Variants in TPD52 observed in about 807,000 individuals in gnomAD.
TPD52 encodes the protein prostate and colon associated protein.
A neutral mutation model predicts 31.3 loss-of-function variants in TPD52; 17 were observed. The ratio of observed to expected loss-of-function variants is 0.54; its 90% confidence interval spans 0.37 to 0.82. The LOEUF is 0.82. TPD52 is among the 40% of genes least tolerant of loss of function. The pLI, the probability that TPD52 is intolerant of heterozygous loss-of-function variation, is 0.00. For synonymous variants in TPD52, 83 were observed against 89.6 expected, an observed-to-expected ratio of 0.93 and a Z score of 0.42; for missense variants, 212 against 240.1, an observed-to-expected ratio of 0.88 and a Z score of 0.77.
At chr8:80,095,994 G>A (rs950271267) in intron 1 of TPD52, among the ~76,000 whole-genome samples, 3 of 151,378 alleles carry the variant, frequency 2.0e-5, no homozygotes, top group Non-Finnish European at 4.4e-5. Context: ...AGTGGCTCAC[G>A]CCTCCAAGCC....
intron 5 of TPD52, among the ~76,000 whole-genome samples, chr8:80,047,911 G>C (rs58604817): frequency 6.6e-6 from 1 of 152,052 alleles, no homozygotes; most frequent in African/African-American, 2.4e-5. Flanking sequence ...CCAAAAATAT[G>C]AGACAAATGT....
chr8:80,081,811 G>A (rs1450930345), intron 1 of TPD52, among the ~76,000 whole-genome samples: 3 of 150,528 alleles, frequency 2.0e-5, no homozygotes, highest in African/African-American at 4.9e-5. Context: ...GTCTTTTTTT[G>A]TTTTGTTTTC....
intron 1 of TPD52, among the ~76,000 whole-genome samples, chr8:80,160,003 C>A (rs1811239496): frequency 6.6e-6 from 1 of 152,034 alleles, no homozygotes; most frequent in Admixed American, 6.6e-5. Context: ...CCAGTCTGGG[C>A]AACATAGTAA....
chr8:80,064,813 A>G, intron 1 of TPD52: 3 of 675,362 alleles, frequency 4.4e-6, no homozygotes, highest in Non-Finnish European at 5.4e-6. Flanking sequence ...ATGAATTTAG[A>G]AAATATAGCA....
chr8:80,097,021 T>C (rs1806385466), intron 1 of TPD52, among the ~76,000 whole-genome samples: 1 of 152,352 alleles, frequency 6.6e-6, no homozygotes. Context: ...GAAAAAGTTC[T>C]TGAAGCTTCG....
intron 1 of TPD52, among the ~76,000 whole-genome samples, chr8:80,112,962 C>T (rs1323771767): frequency 3.3e-5 from 5 of 152,074 alleles, no homozygotes; most frequent in Non-Finnish European, 7.3e-5. Context: ...TCATATACAC[C>T]TTATACATAT....
At chr8:80,093,024 A>G (rs996435057) in intron 1 of TPD52, among the ~76,000 whole-genome samples, 26 of 152,172 alleles carry the variant, frequency 1.7e-4, no homozygotes, top group African/African-American at 6.0e-4. Context: ...ATAAAAAATT[A>G]AATGTTAAAA....
At chr8:80,086,172 C>T (rs1466498861) in intron 1 of TPD52, among the ~76,000 whole-genome samples, 11 of 126,600 alleles carry the variant, frequency 8.7e-5, no homozygotes, top group African/African-American at 3.5e-4. Flanking sequence ...GGCTGGAGTG[C>T]AGTGTCGTGA....
intron 3 of TPD52, chr8:80,052,713 A>G (rs1391374692): frequency 5.6e-6 from 7 of 1,255,208 alleles, no homozygotes; most frequent in Non-Finnish European, 7.3e-6. Flanking sequence ...TGATAATGCT[A>G]TATCATAGCA....
At chr8:80,048,613 T>C (rs1221487441) in intron 5 of TPD52, among the ~76,000 whole-genome samples, 3 of 152,246 alleles carry the variant, frequency 2.0e-5, no homozygotes, top group Non-Finnish European at 4.4e-5. Flanking sequence ...GGCCAATATT[T>C]GCCTCTGTGA....
downstream of TPD52, among the ~76,000 whole-genome samples, chr8:80,032,536 C>G (rs1809720018): frequency 6.6e-6 from 1 of 152,162 alleles, no homozygotes; most frequent in Admixed American, 6.5e-5. Flanking sequence ...AGACCCCCAC[C>G]TCAAAAAAGC....
chr8:80,068,787 A>G (rs937049250), intron 1 of TPD52, among the ~76,000 whole-genome samples: 8 of 152,202 alleles, frequency 5.3e-5, no homozygotes, highest in Admixed American at 1.3e-4. Flanking sequence ...AGGATGGAGA[A>G]GACAAGCAGA....
At chr8:80,117,388 T>C (rs1807937226) in intron 1 of TPD52, among the ~76,000 whole-genome samples, 1 of 152,218 alleles carries the variant, frequency 6.6e-6, no homozygotes, top group South Asian at 2.1e-4. Flanking sequence ...CAAAATTGTA[T>C]TTACAACAGC....
chr8:80,155,087 T>C (rs1367839556), intron 1 of TPD52, among the ~76,000 whole-genome samples: 2 of 151,904 alleles, frequency 1.3e-5, no homozygotes, highest in African/African-American at 4.8e-5. Flanking sequence ...CACCTCCGCT[T>C]CCAGGGCTCA....
intron 1 of TPD52, among the ~76,000 whole-genome samples, chr8:80,104,584 CA>C (rs200078173): frequency 2.7e-5 from 4 of 146,334 alleles, no homozygotes; most frequent in African/African-American, 5.0e-5. Context: ...AAAACAACAA[CA>C]AAAAAAACAG....
At chr8:80,133,615 T>C (rs1809182126) in intron 1 of TPD52, among the ~76,000 whole-genome samples, 1 of 152,024 alleles carries the variant, frequency 6.6e-6, no homozygotes, top group Admixed American at 6.6e-5. Context: ...TTCCCTCAGT[T>C]TCCTTTGGCT....
Position 80,064,579 on chromosome 8 carries a change from C to A in TPD52, c.34G>T (p.Asp12Tyr), listed in dbSNP as rs35099105. The A allele has an allele frequency of 0.022, 35,834 of 1,613,858 alleles. 476 individuals are homozygous for A. The highest frequency in any genetic ancestry group is 0.024 in the Non-Finnish European group (28,776 of 1,179,752). The stretch of plus-strand genomic sequence containing the variant: ...TCTTCTCCTTCCTCAGGGACTGGGT[C>A]TGTTCTCAGCAGACCTGGTTGGGGA... ...DRGEQGLLRT[D>Y]PVPEEGEDVA... Residue 12 changes from aspartate (D) to tyrosine (Y), a missense_variant, in exon 2 of 8, where the codon GAC becomes TAC. By Grantham distance (160) the Asp-to-Tyr change is radical (BLOSUM62 -3). Coordinates refer to ENST00000518937, the MANE Select transcript of TPD52 (RefSeq NM_001025253.3).
At chr8:80,048,969 CAA>C (rs1448600568) in intron 5 of TPD52, among the ~76,000 whole-genome samples, 2 of 152,018 alleles carry the variant, frequency 1.3e-5, no homozygotes, top group Non-Finnish European at 2.9e-5. Context: ...AAAACAGTTG[CAA>C]AACATAATTT....
intron 1 of TPD52, among the ~76,000 whole-genome samples, chr8:80,160,292 A>C (rs560792574): frequency 6.6e-6 from 1 of 152,318 alleles, no homozygotes; most frequent in East Asian, 1.9e-4. Flanking sequence ...CATCCAGCAG[A>C]GTACATCTGG....
Sources: allele counts gnomAD v4.1 joint callset (sites outside exome capture counted in the v4.1 genomes callset), GRCh38; gene constraint gnomAD v4.1.1; transcripts MANE v1.5; gene names NCBI Gene and HGNC (gene_info 2026-07-23, HGNC 2026-07-21).